The following CCDC178 variants were observed in gnomAD, a reference collection of about 807,000 sequenced individuals.
CCDC178 encodes coiled-coil domain containing 178.
In CCDC178, 126 loss-of-function variants were observed where a neutral mutation model predicts 117.4. The observed-to-expected ratio is 1.07, with a 90% CI of 0.93 to 1.24. The LOEUF (loss-of-function observed/expected upper bound fraction) is 1.24. Among genes scored for constraint, CCDC178 ranks in the 50% most tolerant of loss-of-function variants. CCDC178 has a pLI of 0.00. For missense variants in CCDC178, 1,030 were observed against 986.9 expected (o/e 1.04, Z -0.59); for synonymous variants, 283 against 313.4 (o/e 0.90, Z 1.02).
chr18:33,097,266 A>G lies in CCDC178; in HGVS notation c.2239-4356T>C, dbSNP rs1444471940. Among the ~76,000 whole-genome samples the G allele has an allele frequency of 2.6e-5, 4 of 152,236 alleles. No homozygotes were observed. In the East Asian group the frequency reaches 7.8e-4, roughly 30 times the overall value. ...CCACATTGTAAGGAATCTAGGCCAGAGGCCATGTGTAGGTGTTCCAGCAAA... is the reference window on the plus strand; with the variant it reads ...CCACATTGTAAGGAATCTAGGCCAGGGGCCATGTGTAGGTGTTCCAGCAAA... On this transcript the variant is annotated intron_variant, in intron 20 of 22. Transcript: ENST00000383096.
upstream of CCDC178, chr18:33,440,802 CG>C (rs1181056393): frequency 1.3e-5 from 2 of 154,440 alleles, no homozygotes; most frequent in Non-Finnish European, 1.4e-5. Context: ...GCTGCTGCTC[CG>C]GGGCCTCCTG....
intron 17 of CCDC178, among the ~76,000 whole-genome samples, chr18:33,223,992 C>G (rs1449432992): frequency 1.3e-5 from 2 of 152,124 alleles, no homozygotes; most frequent in Admixed American, 1.3e-4. Flanking sequence ...CCAGTAAACT[C>G]CCTCTTGCCT....
At chr18:33,424,894 C>T (rs553035056) in intron 2 of CCDC178, among the ~76,000 whole-genome samples, 2 of 152,294 alleles carry the variant, frequency 1.3e-5, no homozygotes, top group South Asian at 4.1e-4. Flanking sequence ...ATCTGCCCAT[C>T]CACTCACTCC....
At chr18:33,432,478 TACACACACACACACACAC>T (rs56111462) in intron 2 of CCDC178, among the ~76,000 whole-genome samples, 8 of 143,310 alleles carry the variant, frequency 5.6e-5, no homozygotes, top group African/African-American at 1.6e-4. Context: ...GCCTTCTCCA[TACACACACACACACACAC>T]ACACACACAC....
chr18:33,276,393 T>C (rs1200643905), intron 12 of CCDC178, among the ~76,000 whole-genome samples: 3 of 151,996 alleles, frequency 2.0e-5, no homozygotes, highest in Non-Finnish European at 4.4e-5. Context: ...GATATCTAAG[T>C]GGAGATTCAG....
rs78503850 is a variant in CCDC178 at position 33,005,920 on chromosome 18, T to C, written c.2389-31239A>G. Among the ~76,000 whole-genome samples, 441 of 152,212 alleles carry C rather than the reference T, an allele frequency of 2.9e-3. 6 individuals carry two copies. The highest frequency in any genetic ancestry group is 0.01 in the African/African-American group (427 of 41,576). On this transcript the variant is annotated intron_variant, in intron 21 of 22. Coordinates refer to ENST00000383096, the MANE Select transcript of CCDC178 (RefSeq NM_001105528.4). ...GTAAACATGCCACATGCCACTTTTC[T>C]AAATGATTCTGATGCCTTTCCCTTG...
intron 12 of CCDC178, among the ~76,000 whole-genome samples, chr18:33,288,806 C>G (rs1247557006): frequency 6.6e-6 from 1 of 152,078 alleles, no homozygotes; most frequent in Non-Finnish European, 1.5e-5. Context: ...AGAGAATGAA[C>G]AGTGTCAAAC....
At chr18:33,259,152 A>G (rs980553356) in intron 14 of CCDC178, among the ~76,000 whole-genome samples, 1 of 152,200 alleles carries the variant, frequency 6.6e-6, no homozygotes, top group East Asian at 1.9e-4. Flanking sequence ...ACAAGGCCAT[A>G]TTACTTCAAA....
intron 5 of CCDC178, among the ~76,000 whole-genome samples, chr18:33,382,098 T>C (rs539800488): frequency 6.6e-6 from 1 of 152,232 alleles, no homozygotes; most frequent in African/African-American, 2.4e-5. Flanking sequence ...CATACACAGA[T>C]GAAAGAATCA....
At chr18:33,318,502 A>T (rs1599153509) in intron 11 of CCDC178, among the ~76,000 whole-genome samples, 1 of 152,220 alleles carries the variant, frequency 6.6e-6, no homozygotes, top group African/African-American at 2.4e-5. Context: ...AGGCTTGAAA[A>T]CAGAAAATGT....
At chr18:33,097,049 C>T (rs2057553765) in intron 20 of CCDC178, among the ~76,000 whole-genome samples, 1 of 152,076 alleles carries the variant, frequency 6.6e-6, no homozygotes, top group Admixed American at 6.6e-5. Context: ...TTTTCCAGAA[C>T]TTTATCACTC....
rs558101054 is a variant in CCDC178 at position 33,383,258 on chromosome 18, G to A, written c.208+6282C>T. On this transcript the variant is annotated intron_variant, in intron 5 of 22. Coordinates refer to ENST00000383096, the MANE Select transcript of CCDC178 (RefSeq NM_001105528.4). The stretch of plus-strand genomic sequence containing the variant: ...GAAAGAGCACCTTGGGGAAGGGGTG[G>A]CTGTGGTCTCAGGTTCAGTGGACTT... Among the ~76,000 whole-genome samples the A allele has an allele frequency of 5.9e-5, 9 of 152,206 alleles. No individual in the cohort carries two copies. In the South Asian group the frequency reaches 1.9e-3, roughly 32 times the overall value.
rs112965505 is a variant in CCDC178, at chr18:33,432,667, C to T, written c.-23+7295G>A. ...CTTATCTAAAGAAAGACTGAATCTC[C>T]CAATAAGGGAAACATTATCTTCATG... On this transcript the variant is annotated intron_variant, in intron 2 of 22. Transcript: ENST00000383096. 3.0e-3 allele frequency among the ~76,000 whole-genome samples: 461 copies of T among 152,178 alleles called. 1 individual carries two copies. Among genetic ancestry groups the T allele is most frequent in the African/African-American group, 0.011 (439 of 41,518 alleles).
At chr18:33,284,456 T>C (rs985929320) in intron 12 of CCDC178, among the ~76,000 whole-genome samples, 1 of 152,188 alleles carries the variant, frequency 6.6e-6, no homozygotes, top group Admixed American at 6.5e-5. Flanking sequence ...GAAATAAGTT[T>C]TTATGTCATG....
chr18:33,381,442 C>G (rs957422189), intron 5 of CCDC178, among the ~76,000 whole-genome samples: 2 of 152,140 alleles, frequency 1.3e-5, no homozygotes, highest in Non-Finnish European at 2.9e-5. Flanking sequence ...GCCTGAAATT[C>G]AAAATCCTTC....
chr18:32,995,860 T>C (rs887863788), intron 21 of CCDC178, among the ~76,000 whole-genome samples: 53 of 152,048 alleles, frequency 3.5e-4, no homozygotes, highest in African/African-American at 1.2e-3. Flanking sequence ...GAAAACTCTG[T>C]AATCTGGAGT....
intron 2 of CCDC178, among the ~76,000 whole-genome samples, chr18:33,433,946 A>C (rs545967777): frequency 3.3e-5 from 5 of 152,254 alleles, no homozygotes; most frequent in African/African-American, 1.2e-4. Flanking sequence ...TTTAAGTATA[A>C]ATGTTTGGAC....
intron 2 of CCDC178, among the ~76,000 whole-genome samples, chr18:33,425,008 C>CTA (rs1175454209): frequency 1.3e-5 from 2 of 152,094 alleles, no homozygotes; most frequent in Non-Finnish European, 2.9e-5. Flanking sequence ...GGCTTAAAAC[C>CTA]TAGATGACTG....
chr18:33,084,682 T>G (rs435502), intron 21 of CCDC178, among the ~76,000 whole-genome samples: 21,346 of 151,234 alleles, frequency 0.14, 2,301 homozygotes, highest in African/African-American at 0.31. Context: ...CGGGGTGGTG[T>G]GCACCTGTAA....
Sources: gnomAD v4.1 joint callset for allele counts (sites outside exome capture counted in the v4.1 genomes callset) on GRCh38, gnomAD v4.1.1 for gene constraint, MANE v1.5 for transcripts, NCBI Gene and HGNC (gene_info 2026-07-23, HGNC 2026-07-21) for gene names.